The following PIAS1 variants were observed in gnomAD, a reference collection of about 807,000 sequenced individuals.
The protein encoded by PIAS1 is E3 SUMO-protein ligase PIAS1.
A neutral mutation model predicts 71.3 loss-of-function variants in PIAS1; 6 were observed. The observed-to-expected ratio is 0.08, with a 90% CI of 0.05 to 0.17. PIAS1 has a LOEUF of 0.17. Among genes scored for constraint, PIAS1 ranks in the 10% least tolerant of loss-of-function variants. The pLI is 1.00. For missense variants in PIAS1, 555 were observed against 793.6 expected (o/e 0.70, Z 3.61); for synonymous variants, 303 against 292.9 (o/e 1.03, Z -0.35).
At chr15:68,090,927 G>GGGGTGTGTGTGT (rs71455575) in intron 2 of PIAS1, among the ~76,000 whole-genome samples, 65 of 142,854 alleles carry the variant, frequency 4.6e-4, no homozygotes, top group African/African-American at 1.5e-3. Flanking sequence ...GTCATTTACG[G>GGGGTGTGTGTGT]GTGTGTGTGT....
chr15:68,180,925 C>T (rs183083085), intron 11 of PIAS1, among the ~76,000 whole-genome samples: 1 of 152,184 alleles, frequency 6.6e-6, no homozygotes, highest in African/African-American at 2.4e-5. Flanking sequence ...CTTTCTCTTG[C>T]ATTTTGAAAG....
At position 68,174,366 on chromosome 15, in the gene PIAS1, T is replaced by C. The variant is rs529098361; in HGVS notation, c.1169+474T>C. Among the ~76,000 whole-genome samples, 3 of 152,338 alleles carry C rather than the reference T, an allele frequency of 2.0e-5. No individual in the cohort carries two copies. In the South Asian group the frequency reaches 6.2e-4, roughly 32 times the overall value. ...TTTTCTTTTTTGTCTTGCCCACCTATAGCATCACAAAACCAATTATTGCTT... is the reference window on the plus strand; with the variant it reads ...TTTTCTTTTTTGTCTTGCCCACCTACAGCATCACAAAACCAATTATTGCTT... On this transcript the variant is annotated intron_variant, in intron 9 of 13. Transcript: ENST00000249636. This position sits in a 1 kb window ranked among gnomAD's most constrained non-coding sequence, Gnocchi z 4.0.
At chr15:68,183,942 C>CG (rs2093071564) in intron 13 of PIAS1, 1 of 227,712 alleles carries the variant, frequency 4.4e-6, no homozygotes. Context: ...TAATAAACAA[C>CG]TCTGTTACTG....
chr15:68,078,992 A>G (rs1309923819), intron 1 of PIAS1, among the ~76,000 whole-genome samples: 8 of 151,996 alleles, frequency 5.3e-5, no homozygotes, highest in South Asian at 2.1e-4. Context: ...TACAGTTACA[A>G]TGTTGAATTT....
At chr15:68,151,635 C>T (rs1262549313) in intron 6 of PIAS1, among the ~76,000 whole-genome samples, 1 of 150,818 alleles carries the variant, frequency 6.6e-6, no homozygotes, top group African/African-American at 2.5e-5. Context: ...GCCTAGCCAA[C>T]ATGGTGAAAC....
intron 2 of PIAS1, among the ~76,000 whole-genome samples, chr15:68,112,059 A>G (rs1421557749): frequency 6.6e-6 from 1 of 152,188 alleles, no homozygotes; most frequent in African/African-American, 2.4e-5. Context: ...AATGGAACCA[A>G]TCAGAAGATA....
At chr15:68,125,174 G>A (rs751784211) in intron 2 of PIAS1, among the ~76,000 whole-genome samples, 6 of 151,098 alleles carry the variant, frequency 4.0e-5, no homozygotes, top group Admixed American at 3.9e-4. Flanking sequence ...TTCCCCCTGT[G>A]TACTTATTTC....
In PIAS1 at chr15:68,086,486, A is replaced by G; in HGVS notation, c.205A>G (p.Ile69Val). The G allele has an allele frequency of 6.2e-7, 1 of 1,613,914 alleles. No homozygotes were observed. The highest frequency in any genetic ancestry group is 1.1e-5 in the South Asian group (1 of 91,080). The change falls in exon 2 of 14, where the codon ATC becomes GTC. Residue 69 changes from isoleucine (I) to valine (V), a missense_variant. Transcript: ENST00000249636. This position sits in a 1 kb window ranked among gnomAD's most constrained non-coding sequence, Gnocchi z 7.2. ...CTATAGGCGGCGGTTCCCACAGAAA[A>G]TCATGACGCCTGCAGACTTGTCCAT... ...ELYRRRFPQK[I>V]MTPADLSIPN...
Position 68,193,498 on chromosome 15 carries a change from T to A in PIAS1, c.*5663T>A, listed in dbSNP as rs931121929. 6.5e-6 allele frequency: 1 copy of A among 153,618 alleles called. No homozygotes were observed. Among genetic ancestry groups the A allele is most frequent in the African/African-American group, 2.4e-5 (1 of 41,480 alleles). 9.5% of individuals were successfully genotyped at this position (153,618 alleles called of 1,614,324 possible). Reference sequence around the variant, plus strand: ...TTGTCATAAGTGTTACAGCTTTCTGTTCATTGCTGCTTCTCAGCTAGCACT... The same window carrying A: ...TTGTCATAAGTGTTACAGCTTTCTGATCATTGCTGCTTCTCAGCTAGCACT... On this transcript the variant is annotated 3_prime_UTR_variant, in exon 14 of 14. Coordinates refer to ENST00000249636, the MANE Select transcript of PIAS1 (RefSeq NM_016166.3).
intron 2 of PIAS1, among the ~76,000 whole-genome samples, chr15:68,102,699 T>G (rs188167421): frequency 1.3e-5 from 2 of 152,322 alleles, no homozygotes; most frequent in Non-Finnish European, 2.9e-5. Context: ...TGTTTTTTTC[T>G]GAGTGATTAT....
intron 2 of PIAS1, among the ~76,000 whole-genome samples, chr15:68,098,617 G>A (rs1055967317): frequency 6.6e-6 from 1 of 152,154 alleles, no homozygotes; most frequent in Non-Finnish European, 1.5e-5. Context: ...TGAAAAGGAA[G>A]TCCCTCTTTC....
chr15:68,103,548 T>TATCAATTTTAGAACATTTTCATCACC (rs1188545727), intron 2 of PIAS1, among the ~76,000 whole-genome samples: 3 of 152,156 alleles, frequency 2.0e-5, no homozygotes, highest in African/African-American at 7.2e-5. Context: ...CCACCATCAC[T>TATCAATTTTAGAACATTTTCATCACC]ATCAATTTTA....
rs577038863 is a variant in PIAS1 at position 68,094,166 on chromosome 15, A to G, written c.469+7416A>G. On this transcript the variant is annotated intron_variant, in intron 2 of 13. Coordinates refer to ENST00000249636, the MANE Select transcript of PIAS1 (RefSeq NM_016166.3). ...TATTTGAATTTTCCTGTGCTTTTTT[A>G]AAGGTACAGTTGTTCTTACTTGACA... Among the ~76,000 whole-genome samples, 55 of 151,840 alleles carry G rather than the reference A, an allele frequency of 3.6e-4. 2 individuals are homozygous for G. In the South Asian group the frequency reaches 0.011, roughly 31 times the overall value.
chr15:68,132,323 A>G (rs2092693781), intron 2 of PIAS1, among the ~76,000 whole-genome samples: 2 of 151,362 alleles, frequency 1.3e-5, no homozygotes, highest in African/African-American at 4.9e-5. Flanking sequence ...CTAAAAATAC[A>G]AAAAATCAGG....
chr15:68,160,566 T>C (rs2092918026), intron 7 of PIAS1, among the ~76,000 whole-genome samples: 1 of 152,210 alleles, frequency 6.6e-6, no homozygotes, highest in Admixed American at 6.5e-5. Flanking sequence ...TTTTTCAGAA[T>C]TGTTTTGAAT....
rs1219440648 is a variant in PIAS1, at chr15:68,067,147, C to G, written c.24+12797C>G. Among the ~76,000 whole-genome samples the G allele has an allele frequency of 3.9e-5, 6 of 152,252 alleles. No individual in the cohort carries two copies. The East Asian group carries it at 9.6e-4, about 24-fold the overall frequency. The stretch of plus-strand genomic sequence containing the variant: ...CTGGAGCCTCTCTGGTTCAGTTGTT[C>G]CAGTAATCCTCTGGCCTCTTGTGTT... On this transcript the variant is annotated intron_variant, in intron 1 of 13. Transcript: ENST00000249636.
intron 1 of PIAS1, among the ~76,000 whole-genome samples, chr15:68,076,645 C>T (rs1159591358): frequency 6.6e-6 from 1 of 152,036 alleles, no homozygotes; most frequent in Non-Finnish European, 1.5e-5. Flanking sequence ...TGCTCAGGGC[C>T]CTAGAGAGTT....
At chr15:68,148,368 AG>A (rs1339204231) in intron 6 of PIAS1, among the ~76,000 whole-genome samples, 1 of 152,122 alleles carries the variant, frequency 6.6e-6, no homozygotes, top group Admixed American at 6.5e-5. Context: ...ATGTGGCTAG[AG>A]GGGTAAGATA....
At position 68,192,281 on chromosome 15, in the gene PIAS1, C is replaced by T. The variant is rs1875611111; in HGVS notation, c.*4446C>T. 6.6e-6 allele frequency: 1 copy of T among 152,156 alleles called. No individual in the cohort carries two copies. The allele number at this position is 152,156 out of a possible 1,614,324, so 9.4% of individuals were successfully genotyped here. ...CGGCGGGGCCAGCATCTAACCGGCC[C>T]TCTGGTGGATTTACCATGAAGGTAA... is the stretch of plus-strand genomic sequence containing the variant. On this transcript the variant is annotated 3_prime_UTR_variant, in exon 14 of 14. Transcript: ENST00000249636.
Sources: gnomAD v4.1 joint callset for allele counts (sites outside exome capture counted in the v4.1 genomes callset) on GRCh38, gnomAD v4.1.1 for gene constraint, Gnocchi (gnomAD v3.1) non-coding constraint, MANE v1.5 for transcripts, NCBI Gene and HGNC (gene_info 2026-07-23, HGNC 2026-07-21) for gene names.